VIP: variants seen among roughly 807,000 people sequenced by gnomAD.
The protein encoded by VIP is VIP peptides.
VIP carries 18 observed loss-of-function variants against 20.1 expected under a neutral mutation model. That is an observed-to-expected ratio of 0.90 (90% CI 0.62 to 1.33). The LOEUF (loss-of-function observed/expected upper bound fraction) is 1.33. Among genes scored for constraint, VIP ranks in the 40% most tolerant of loss-of-function variants. The pLI, the probability that VIP is intolerant of heterozygous loss-of-function variation, is 0.00. For missense variants in VIP, 209 were observed against 199.4 expected, an observed-to-expected ratio of 1.05 and a Z score of -0.29; for synonymous variants, 70 against 68.1, an observed-to-expected ratio of 1.03 and a Z score of -0.14.
At chr6:152,751,950 C>T (rs2099729716) in intron 1 of VIP, among the ~76,000 whole-genome samples, 1 of 152,134 alleles carries the variant, frequency 6.6e-6, no homozygotes, top group African/African-American at 2.4e-5. Context: ...TGTGCCCAGA[C>T]AGCAGGTGAA....
At chr6:152,758,337 C>T (rs561857361) in intron 6 of VIP, among the ~76,000 whole-genome samples, 1 of 151,988 alleles carries the variant, frequency 6.6e-6, no homozygotes, top group South Asian at 2.1e-4. Context: ...CACTAATTAC[C>T]CTTAGACCTC....
At chr6:152,754,485 G>C (rs189202311) in intron 3 of VIP, among the ~76,000 whole-genome samples, 197 bp downstream of exon 3, 1 of 151,970 alleles carries the variant, frequency 6.6e-6, no homozygotes, top group South Asian at 2.1e-4. Context: ...CTGAAAGGTT[G>C]TAACAAGCCA....
chr6:152,751,612 G>A (rs79002493), intron 1 of VIP, among the ~76,000 whole-genome samples: 2,293 of 152,094 alleles, frequency 0.015, 21 homozygotes, highest in Middle Eastern at 0.027. Flanking sequence ...CAGGTGTAAG[G>A]AAATAAGTTT....
intron 2 of VIP, among the ~76,000 whole-genome samples, chr6:152,752,966 G>A (rs183878889): frequency 3.1e-4 from 47 of 152,122 alleles, no homozygotes; most frequent in Non-Finnish European, 4.4e-5. Flanking sequence ...AACAATAAAT[G>A]AAAACTATAT....
intron 6 of VIP, among the ~76,000 whole-genome samples, chr6:152,757,790 G>A (rs932418886): frequency 7.9e-5 from 12 of 151,792 alleles, no homozygotes; most frequent in Non-Finnish European, 1.8e-4. Context: ...TTTTTGAGCA[G>A]AAAAAACATG....
chr6:152,754,161 A>G lies in VIP; in HGVS notation c.108-5A>G, dbSNP rs766037742. On this transcript the variant is annotated splice_region_variant and splice_polypyrimidine_tract_variant and intron_variant, in intron 2 of 6. Transcript: ENST00000367244. ...GTATTATTCTCGTGTAACTTTCCCC[A>G]TCAGGTTGGGTGACAGAATACCCTT... The G allele has an allele frequency of 1.9e-5, 30 of 1,608,052 alleles. No homozygotes were observed. The highest frequency in any genetic ancestry group is 2.1e-5 in the Non-Finnish European group (25 of 1,177,314).
At chr6:152,757,230 G>T in intron 6 of VIP, 46 bp downstream of exon 6, 2 of 1,284,046 alleles carry the variant, frequency 1.6e-6, no homozygotes, top group South Asian at 2.6e-5. Flanking sequence ...GGCTGTCTCT[G>T]ATTATATAAG....
intron 3 of VIP, 95 bp from the exon 4 acceptor site, chr6:152,755,174 A>G (rs2099730228): frequency 5.6e-6 from 4 of 715,252 alleles, no homozygotes; most frequent in Admixed American, 3.4e-5. Context: ...AGCTTTCATA[A>G]TAAGCCCATA....
In VIP at chr6:152,757,153, T is replaced by C; in HGVS notation, c.*12T>C. On this transcript the variant is annotated 3_prime_UTR_variant, in exon 6 of 7. Transcript: ENST00000367244. ...AGTTAGAAAAATGATGAAAAAGACC[T>C]TTGGAGCAAAGCTGATGACAACTTC... 1 of 1,611,082 alleles carries C rather than the reference T, an allele frequency of 6.2e-7. No homozygotes were observed. Among genetic ancestry groups the C allele is most frequent in the Non-Finnish European group, 8.5e-7 (1 of 1,178,266 alleles).
chr6:152,758,037 A>G (rs772605008), intron 6 of VIP, among the ~76,000 whole-genome samples: 13 of 151,966 alleles, frequency 8.6e-5, no homozygotes, highest in Non-Finnish European at 1.6e-4. Flanking sequence ...TGAGCCATCT[A>G]TTTTCTGTTA....
chr6:152,751,445 C>T (rs1173801840), intron 1 of VIP, among the ~76,000 whole-genome samples: 1 of 151,778 alleles, frequency 6.6e-6, no homozygotes, highest in Non-Finnish European at 1.5e-5. Context: ...AATCTAGAAA[C>T]TAGAAATGAA....
At chr6:152,758,481 G>C (rs192444701) in intron 6 of VIP, among the ~76,000 whole-genome samples, 2 of 152,112 alleles carry the variant, frequency 1.3e-5, no homozygotes, top group African/African-American at 2.4e-5. Context: ...TTATAAGAAG[G>C]CTTCTCCATC....
Position 152,759,301 on chromosome 6 carries a change from T to C in VIP, c.*435T>C, listed in dbSNP as rs551445174. On this transcript the variant is annotated 3_prime_UTR_variant, in exon 7 of 7. Coordinates refer to ENST00000367244, the MANE Select transcript of VIP (RefSeq NM_003381.4). ...GAACAGATAATCAGTGTGTCTAAATTTGAATGTTAAGCAGATGGAATGCTG... is the reference window on the plus strand; with the variant it reads ...GAACAGATAATCAGTGTGTCTAAATCTGAATGTTAAGCAGATGGAATGCTG... 6.6e-6 allele frequency: 1 copy of C among 151,974 alleles called. No homozygotes were observed. The highest frequency in any genetic ancestry group is 2.4e-5 in the African/African-American group (1 of 41,396). 9.4% of individuals were successfully genotyped at this position (151,974 alleles called of 1,614,324 possible). A position where few individuals can be genotyped will look rare whatever the true frequency, so the allele number is the denominator to read the frequency against.
chr6:152,758,102 C>A, intron 6 of VIP, among the ~76,000 whole-genome samples: 1 of 151,984 alleles, frequency 6.6e-6, no homozygotes. Flanking sequence ...AGATGTAAAA[C>A]GAATAGGAGT....
At chr6:152,754,463 A>G (rs2099730107) in intron 3 of VIP, among the ~76,000 whole-genome samples, 175 bp downstream of exon 3, 1 of 152,032 alleles carries the variant, frequency 6.6e-6, no homozygotes, top group African/African-American at 2.4e-5. Flanking sequence ...ACAGCTGTAC[A>G]TAATTTTCAT....
chr6:152,751,487 A>G (rs1180658034), intron 1 of VIP, among the ~76,000 whole-genome samples: 3 of 152,106 alleles, frequency 2.0e-5, no homozygotes, highest in African/African-American at 7.2e-5. Context: ...AAGAAATGCA[A>G]GCTTTGCTTT....
intron 5 of VIP, 85 bp downstream of exon 5, chr6:152,756,350 C>T (rs1237273346): frequency 3.8e-5 from 54 of 1,439,476 alleles, no homozygotes. Context: ...CTCTATCTCA[C>T]TTATCTAGCT....
intron 6 of VIP, among the ~76,000 whole-genome samples, chr6:152,757,938 G>A (rs1266047920): frequency 6.6e-6 from 1 of 151,706 alleles, no homozygotes; most frequent in Middle Eastern, 3.2e-3. Flanking sequence ...CTATAATACT[G>A]GGCAAGTGCT....
rs1251754042 is a variant in VIP at position 152,757,159 on chromosome 6, G to A, written c.*18G>A. On this transcript the variant is annotated 3_prime_UTR_variant, in exon 6 of 7. Coordinates refer to ENST00000367244, the MANE Select transcript of VIP (RefSeq NM_003381.4). ...AAAAATGATGAAAAAGACCTTTGGA[G>A]CAAAGCTGATGACAACTTCCCAGTG... is the stretch of plus-strand genomic sequence containing the variant. The A allele has an allele frequency of 1.2e-6, 2 of 1,610,508 alleles. No individual in the cohort carries two copies. The highest frequency in any genetic ancestry group is 1.7e-6 in the Non-Finnish European group (2 of 1,177,934).
Sources: gnomAD v4.1 joint callset for allele counts (sites outside exome capture counted in the v4.1 genomes callset) on GRCh38, gnomAD v4.1.1 for gene constraint, MANE v1.5 for transcripts, NCBI Gene and HGNC (gene_info 2026-07-23, HGNC 2026-07-21) for gene names.